CCDC141: variants seen among roughly 807,000 people sequenced by gnomAD.
CCDC141 encodes the protein coiled-coil domain containing 141.
A neutral mutation model predicts 181.0 loss-of-function variants in CCDC141; 168 were observed. The ratio of observed to expected loss-of-function variants is 0.93; its 90% CI spans 0.82 to 1.05. CCDC141 has a LOEUF of 1.05. CCDC141 is among the 50% of genes least tolerant of loss of function. The probability of loss-of-function intolerance (pLI) is 0.00; values close to 1 mark genes in which losing one functional copy is unlikely to be tolerated. For missense variants in CCDC141, 1,902 were observed against 1,788.5 expected, an observed-to-expected ratio of 1.06 and a Z score of -1.14; for synonymous variants, 666 against 642.3, an observed-to-expected ratio of 1.04 and a Z score of -0.56.
chr2:178,815,107 G>A, the CCDC141 span, among the ~76,000 whole-genome samples: 2 of 152,182 alleles, frequency 1.3e-5, no homozygotes, highest in African/African-American at 2.4e-5. Context: ...TCAGGACTGT[G>A]AGAAAATAAA....
rs2078403 is a variant in CCDC141, at chr2:178,837,883, C to T, written c.3475-139G>A. 0.69 allele frequency: 607,432 copies of T among 879,020 alleles called. 210,728 individuals carry two copies. Among genetic ancestry groups the T allele is most frequent in the East Asian group, 0.79 (29,799 of 37,788 alleles). 54.5% of individuals were successfully genotyped at this position (879,020 alleles called of 1,614,324 possible). On this transcript the variant is annotated intron_variant, in intron 22 of 23. Coordinates refer to ENST00000443758, the MANE Select transcript of CCDC141 (RefSeq NM_173648.4). ...ATTTAGGGGGCTGGAGCAAGAATTA[C>T]GGATGAGAAACCATTTGTCTGTCGA... is the stretch of plus-strand genomic sequence containing the variant.
chr2:178,868,135 T>C lies in CCDC141; in HGVS notation c.2465A>G (p.Asp822Gly). Reference protein sequence around the residue: ...EQPKELGDAHDVQIHLRCSQE... With the variant: ...EQPKELGDAHGVQIHLRCSQE... ...AGAGCACCGGAGGTGAATCTGCACA[T>C]CATGGGCATCACCCAGTTCCTTCGG... The change falls in exon 16 of 24, where the codon GAT becomes GGT. Residue 822 changes from aspartate to glycine, a missense_variant. Coordinates refer to ENST00000443758, the MANE Select transcript of CCDC141 (RefSeq NM_173648.4). 1 of 1,614,048 alleles carries C rather than the reference T, an allele frequency of 6.2e-7. No individual in the cohort carries two copies. The highest frequency in any genetic ancestry group is 8.5e-7 in the Non-Finnish European group (1 of 1,179,936).
At chr2:178,953,361 C>T (rs1000929628) in intron 5 of CCDC141, among the ~76,000 whole-genome samples, 15 of 151,214 alleles carry the variant, frequency 9.9e-5, no homozygotes, top group African/African-American at 2.7e-4. Context: ...GGCATGAACC[C>T]GGGAGGCGGA....
intron 2 of CCDC141, among the ~76,000 whole-genome samples, chr2:179,001,169 C>G (rs2041959332): frequency 6.6e-6 from 1 of 152,122 alleles, no homozygotes; most frequent in Admixed American, 6.5e-5. Flanking sequence ...AATGAAAATA[C>G]AAGCACAAGT....
chr2:178,824,150 C>T, the CCDC141 span, among the ~76,000 whole-genome samples: 1 of 151,964 alleles, frequency 6.6e-6, no homozygotes, highest in Non-Finnish European at 1.5e-5. Context: ...ATCCTTATGG[C>T]ATGTAACACA....
chr2:178,883,607 G>A (rs1686730921), intron 11 of CCDC141, among the ~76,000 whole-genome samples: 2 of 152,096 alleles, frequency 1.3e-5, no homozygotes, highest in African/African-American at 4.8e-5. Flanking sequence ...GAAGGTAAAG[G>A]TGAGAAGATG....
intron 6 of CCDC141, among the ~76,000 whole-genome samples, chr2:178,939,708 A>G (rs1689429809): frequency 1.3e-5 from 2 of 152,028 alleles, no homozygotes; most frequent in Admixed American, 6.6e-5. Context: ...AAGGTCCAGA[A>G]TCTAATCACT....
the CCDC141 span, among the ~76,000 whole-genome samples, chr2:178,818,110 G>A: frequency 6.6e-6 from 1 of 152,016 alleles, no homozygotes; most frequent in Non-Finnish European, 1.5e-5. Flanking sequence ...GCCCACATAT[G>A]CAATATTTTC....
intron 2 of CCDC141, among the ~76,000 whole-genome samples, chr2:179,043,950 C>T (rs1334633801): frequency 6.6e-6 from 1 of 152,202 alleles, no homozygotes; most frequent in East Asian, 1.9e-4. Context: ...TAAGCTACTT[C>T]AGCAAAGTCT....
chr2:178,983,864 G>A (rs1419586523), intron 2 of CCDC141, among the ~76,000 whole-genome samples: 3 of 150,842 alleles, frequency 2.0e-5, no homozygotes, highest in Non-Finnish European at 4.4e-5. Flanking sequence ...GTGATGGGGA[G>A]AATGGAACCA....
intron 2 of CCDC141, among the ~76,000 whole-genome samples, chr2:179,012,692 T>A (rs2042304775): frequency 6.6e-6 from 1 of 152,120 alleles, no homozygotes; most frequent in South Asian, 2.1e-4. Context: ...ATATCCTTGA[T>A]GAACATAGAT....
chr2:178,897,421 C>T (rs1394607914), intron 8 of CCDC141, among the ~76,000 whole-genome samples: 1 of 152,156 alleles, frequency 6.6e-6, no homozygotes, highest in East Asian at 1.9e-4. Flanking sequence ...CAAATGAAAA[C>T]TGTGGGAAAA....
At chr2:178,932,817 A>AC (rs1689151068) in intron 6 of CCDC141, among the ~76,000 whole-genome samples, 1 of 152,184 alleles carries the variant, frequency 6.6e-6, no homozygotes, top group Non-Finnish European at 1.5e-5. Context: ...TTTGAAAGAG[A>AC]CTTTCTTGCA....
At chr2:178,927,081 C>T (rs1401089378) in intron 6 of CCDC141, among the ~76,000 whole-genome samples, 1 of 152,058 alleles carries the variant, frequency 6.6e-6, no homozygotes, top group East Asian at 1.9e-4. Context: ...AAAATCCTTA[C>T]CTCTAATGGT....
intron 2 of CCDC141, among the ~76,000 whole-genome samples, chr2:179,043,634 G>C (rs938914943): frequency 6.6e-6 from 1 of 152,134 alleles, no homozygotes; most frequent in African/African-American, 2.4e-5. Flanking sequence ...ATCCCTTCAT[G>C]TTAAAAACTC....
chr2:179,013,908 C>T (rs1263823571), intron 2 of CCDC141, among the ~76,000 whole-genome samples: 1 of 123,122 alleles, frequency 8.1e-6, no homozygotes, highest in Non-Finnish European at 1.6e-5. Context: ...CAGTGAACTG[C>T]CAAGATCACA....
chr2:179,047,169 C>T (rs1486996357), intron 2 of CCDC141, 115 bp downstream of exon 2: 7 of 804,704 alleles, frequency 8.7e-6, no homozygotes, highest in Non-Finnish European at 1.1e-5. Context: ...CATTATCTAC[C>T]TGGTACCATA....
Position 178,944,663 on chromosome 2 carries a change from G to A in CCDC141, c.781-12C>T, listed in dbSNP as rs1689657660. The A allele has an allele frequency of 1.6e-6, 2 of 1,253,068 alleles. No individual in the cohort carries two copies. The highest frequency in any genetic ancestry group is 2.2e-6 in the Non-Finnish European group (2 of 902,940). 77.6% of individuals were successfully genotyped at this position (1,253,068 alleles called of 1,614,324 possible). ...AACCAACAAGTAACCTAGGTAAAAG[G>A]CAACAAAGAAAGATCAAAATTCAAA... is the stretch of plus-strand genomic sequence containing the variant. On this transcript the variant is annotated splice_polypyrimidine_tract_variant and intron_variant, in intron 5 of 23. Transcript: ENST00000443758.
At chr2:178,930,220 A>G (rs1394788237) in intron 6 of CCDC141, among the ~76,000 whole-genome samples, 2 of 152,150 alleles carry the variant, frequency 1.3e-5, no homozygotes, top group African/African-American at 2.4e-5. Flanking sequence ...GGTAGCATCA[A>G]AAAAAGTAAA....
Sources: gnomAD v4.1 joint callset for allele counts (sites outside exome capture counted in the v4.1 genomes callset) on GRCh38, gnomAD v4.1.1 for gene constraint, MANE v1.5 for transcripts, NCBI Gene and HGNC (gene_info 2026-07-23, HGNC 2026-07-21) for gene names.